The following SETMAR variants were observed in gnomAD, a reference collection of about 807,000 sequenced individuals.
SETMAR encodes histone-lysine N-methyltransferase SETMAR.
A neutral mutation model predicts 58.4 loss-of-function variants in SETMAR; 44 were observed. The observed-to-expected ratio is 0.75, with a 90% CI of 0.59 to 0.97. The LOEUF (loss-of-function observed/expected upper bound fraction) is 0.97, where lower values mean the gene tolerates loss of function less well. Among genes scored for constraint, SETMAR ranks in the 50% least tolerant of loss-of-function variants. The probability of loss-of-function intolerance (pLI) is 0.00; values close to 1 mark genes in which losing one functional copy is unlikely to be tolerated. For missense variants in SETMAR, 903 were observed against 840.2 expected (o/e 1.07, Z -0.92); for synonymous variants, 332 against 307.4 (o/e 1.08, Z -0.84).
Position 4,312,959 on chromosome 3 carries a change from C to T in SETMAR, c.218C>T (p.Pro73Leu). 6.2e-7 allele frequency: 1 copy of T among 1,613,910 alleles called. No homozygotes were observed. The highest frequency in any genetic ancestry group is 8.5e-7 in the Non-Finnish European group (1 of 1,179,878). ...ATTGATCCCACTCAAATAACCTTTC[C>T]CGGATGCATTTGTGTCAAAACTCCC... ...ADIDPTQITF[P>L]GCICVKTPCL... The change falls in exon 2 of 3, where the codon CCC (proline) becomes CTC (leucine). Residue 73 changes from proline (P) to leucine (L), a missense_variant. Pro to Leu is a moderately conservative substitution (Grantham distance 98, BLOSUM62 -3). Transcript: ENST00000358065.
At chr3:4,314,145 T>G (rs1301901926) in intron 2 of SETMAR, 1 of 252,082 alleles carries the variant, frequency 4.0e-6, no homozygotes, top group East Asian at 8.2e-5. Context: ...AAGGAAGCCA[T>G]TGCATAGAAA....
In SETMAR at chr3:4,314,803, T is replaced by C. The variant is rs535211615; in HGVS notation, c.1020+1042T>C. 9.8e-5 allele frequency among the ~76,000 whole-genome samples: 15 copies of C among 152,302 alleles called. No homozygotes were observed. In the East Asian group the frequency reaches 2.1e-3, roughly 22 times the overall value. ...AGTTACTGTGGAGGTTTATCAGACATTTTGAAAGCTAAAATAATTACTAGA... is the reference window on the plus strand; with the variant it reads ...AGTTACTGTGGAGGTTTATCAGACACTTTGAAAGCTAAAATAATTACTAGA... On this transcript the variant is annotated intron_variant, in intron 2 of 2. Coordinates refer to ENST00000358065, the MANE Select transcript of SETMAR (RefSeq NM_006515.4).
chr3:4,310,545 T>C (rs183551426), intron 1 of SETMAR, among the ~76,000 whole-genome samples: 1 of 152,348 alleles, frequency 6.6e-6, no homozygotes, highest in East Asian at 1.9e-4. Flanking sequence ...CAGAAGTCTC[T>C]GTTTTCTTTT....
intron 1 of SETMAR, 101 bp downstream of exon 1, chr3:4,303,627 GTCTTC>G: frequency 7.2e-7 from 1 of 1,394,062 alleles, no homozygotes. Flanking sequence ...GCGACCTTTT[GTCTTC>G]TCTTACAGCG....
chr3:4,303,876 A>G, intron 1 of SETMAR: 1 of 1,289,872 alleles, frequency 7.8e-7, no homozygotes. Context: ...CAGGTAGGAT[A>G]AGCCGTGGGG....
At chr3:4,311,138 C>A (rs1405457702) in intron 1 of SETMAR, among the ~76,000 whole-genome samples, 1 of 152,170 alleles carries the variant, frequency 6.6e-6, no homozygotes, top group African/African-American at 2.4e-5. Context: ...TAGCCTTCTC[C>A]CACAGGTCCT....
intron 1 of SETMAR, among the ~76,000 whole-genome samples, chr3:4,309,595 G>A (rs1698323914): frequency 1.3e-5 from 2 of 152,132 alleles, no homozygotes; most frequent in Non-Finnish European, 2.9e-5. Flanking sequence ...AATTCTAAAA[G>A]TATTGTCAGA....
intron 2 of SETMAR, among the ~76,000 whole-genome samples, chr3:4,315,706 A>G (rs1698609351): frequency 1.3e-5 from 2 of 152,148 alleles, no homozygotes; most frequent in Admixed American, 6.5e-5. Flanking sequence ...CCACTTGACT[A>G]TTATCCCATG....
At position 4,307,542 on chromosome 3, in the gene SETMAR, T is replaced by C. The variant is rs142802763; in HGVS notation, c.156+4016T>C. On this transcript the variant is annotated intron_variant, in intron 1 of 2. Transcript: ENST00000358065. ...AGAAAGAAATTGTTGCAGACAGGAA[T>C]AGCCAAGACAAGAGTGTATTTTCTC... Among the ~76,000 whole-genome samples the C allele has an allele frequency of 4.0e-3, 607 of 152,304 alleles. 4 individuals carry two copies. Among genetic ancestry groups the C allele is most frequent in the Non-Finnish European group, 6.2e-3 (422 of 68,018 alleles).
chr3:4,314,069 G>C, intron 2 of SETMAR: 1 of 480,016 alleles, frequency 2.1e-6, no homozygotes, highest in East Asian at 3.5e-5. Flanking sequence ...TCTTCCTGCT[G>C]GCTGGAATGT....
At chr3:4,314,881 C>T (rs1015497883) in intron 2 of SETMAR, among the ~76,000 whole-genome samples, 4 of 152,188 alleles carry the variant, frequency 2.6e-5, no homozygotes, top group African/African-American at 9.6e-5. Context: ...CATTTAAACC[C>T]TACCACTAGG....
At chr3:4,308,504 A>G (rs1042609853) in intron 1 of SETMAR, among the ~76,000 whole-genome samples, 2 of 152,248 alleles carry the variant, frequency 1.3e-5, no homozygotes, top group Non-Finnish European at 2.9e-5. Flanking sequence ...ATATTTTTAT[A>G]AAGTGCCTGA....
At position 4,313,515 on chromosome 3, in the gene SETMAR, C is replaced by G. The variant is rs371659605; in HGVS notation, c.774C>G (p.Leu258=). Residue 258 remains leucine, a synonymous_variant, in exon 2 of 3, where the codon CTC becomes CTG. Coordinates refer to ENST00000358065, the MANE Select transcript of SETMAR (RefSeq NM_006515.4). ...AAGATATTGTGCCAGAAGAAGAACT[C>G]TCTTATGATTATTCAGGAAGATATC... The part of the protein sequence containing the change: ...AAKDIVPEEE[L]SYDYSGRYLN... 16 of 1,613,846 alleles carry G rather than the reference C, an allele frequency of 9.9e-6. No homozygotes were observed. Among genetic ancestry groups the G allele is most frequent in the Non-Finnish European group, 1.4e-5 (16 of 1,179,926 alleles).
At chr3:4,306,300 A>G (rs564649418) in intron 1 of SETMAR, among the ~76,000 whole-genome samples, 12 of 152,236 alleles carry the variant, frequency 7.9e-5, no homozygotes, top group Non-Finnish European at 1.6e-4. Flanking sequence ...AATAAATTAT[A>G]TAAGTATCTC....
At chr3:4,310,861 C>T (rs1279156684) in intron 1 of SETMAR, among the ~76,000 whole-genome samples, 1 of 151,942 alleles carries the variant, frequency 6.6e-6, no homozygotes, top group Non-Finnish European at 1.5e-5. Context: ...AAAAGTTTAA[C>T]ATGAAAAGTT....
chr3:4,308,377 T>C (rs1332676690), intron 1 of SETMAR, among the ~76,000 whole-genome samples: 1 of 151,828 alleles, frequency 6.6e-6, no homozygotes, highest in Non-Finnish European at 1.5e-5. Flanking sequence ...ATGTTTTCTT[T>C]CACAGAAACC....
At position 4,313,388 on chromosome 3, in the gene SETMAR, GA is replaced by G; in HGVS notation, c.650del (p.Asn217IlefsTer15). The G allele has an allele frequency of 6.2e-7, 1 of 1,613,904 alleles. No individual in the cohort carries two copies. Reference protein sequence around the residue: ...METFVDPTYIGNIGRFLNHSC... With the variant: ...METFVDPTYIXNIGRFLNHSC... ...ACATTTGTTGACCCTACTTATATAG[GA>G]AATATTGGAAGATTCCTTAATCATT... On this transcript the variant is annotated frameshift_variant, in exon 2 of 3. Transcript: ENST00000358065. LOFTEE classifies it high-confidence loss of function.
chr3:4,314,729 G>A lies in SETMAR; in HGVS notation c.1020+968G>A, dbSNP rs144956046. ...TGATCCCGTTTAAACTTCTAGAGCAGCAAACATCTCTAACTACCTTCCTTA... is the reference window on the plus strand; with the variant it reads ...TGATCCCGTTTAAACTTCTAGAGCAACAAACATCTCTAACTACCTTCCTTA... On this transcript the variant is annotated intron_variant, in intron 2 of 2. Coordinates refer to ENST00000358065, the MANE Select transcript of SETMAR (RefSeq NM_006515.4). Among the ~76,000 whole-genome samples, 23 of 152,240 alleles carry A rather than the reference G, an allele frequency of 1.5e-4. 1 individual carries two copies. The highest frequency in any genetic ancestry group is 1.0e-4 in the Non-Finnish European group (7 of 68,022).
Position 4,303,398 on chromosome 3 carries a change from C to T in SETMAR, c.28C>T (p.Arg10Trp), listed in dbSNP as rs762853375. The T allele has an allele frequency of 8.3e-6, 13 of 1,559,658 alleles. No homozygotes were observed. In the African/African-American group the frequency reaches 1.3e-4, roughly 15 times the overall value. The change falls in exon 1 of 3, where the codon CGG becomes TGG. Residue 10 changes from arginine to tryptophan, a missense_variant. Physicochemically the swap from Arg to Trp is moderately radical, Grantham distance 101. Transcript: ENST00000358065. Reference protein sequence around the residue: MFAEAAKTTRPCGMAEFKEK... With the variant: MFAEAAKTTWPCGMAEFKEK... Reference sequence around the variant, plus strand: ...GTTCGCGGAAGCGGCAAAGACGACACGGCCTTGTGGGATGGCGGAGTTTAA... The same window carrying T: ...GTTCGCGGAAGCGGCAAAGACGACATGGCCTTGTGGGATGGCGGAGTTTAA...
Sources: allele counts gnomAD v4.1 joint callset (sites outside exome capture counted in the v4.1 genomes callset), GRCh38; gene constraint gnomAD v4.1.1; transcripts MANE v1.5; gene names NCBI Gene and HGNC (gene_info 2026-07-23, HGNC 2026-07-21).